Variants in HYDIN observed in about 807,000 individuals in gnomAD.
HYDIN encodes the protein axonemal central pair apparatus protein HYDIN.
A neutral mutation model predicts 403.9 loss-of-function variants in HYDIN; 132 were observed. The observed-to-expected ratio is 0.33, with a 90% CI of 0.28 to 0.38. HYDIN has a LOEUF of 0.38. Ranked by LOEUF, HYDIN falls within the 10% of genes least tolerant of loss-of-function variation. HYDIN has a pLI of 1.00. For missense variants in HYDIN, 2,827 were observed against 5,009.5 expected (o/e 0.56, Z 13.15); for synonymous variants, 1,202 against 1,891.7 (o/e 0.64, Z 9.46).
intron 1 of HYDIN, among the ~76,000 whole-genome samples, chr16:71,211,607 A>C (rs1050478738): frequency 7.9e-5 from 11 of 138,476 alleles, no homozygotes; most frequent in African/African-American, 2.8e-4. Context: ...GCGCCACTGC[A>C]CTCCAGCCTG....
chr16:70,992,145 G>A lies in HYDIN; in HGVS notation c.3710C>T (p.Thr1237Ile), dbSNP rs934444245. 3 of 1,612,212 alleles carry A rather than the reference G, an allele frequency of 1.9e-6. No individual in the cohort carries two copies. Among genetic ancestry groups the A allele is most frequent in the African/African-American group, 1.3e-5 (1 of 74,888 alleles). The change falls in exon 24 of 86, where the codon ACC becomes ATC. Residue 1237 changes from threonine to isoleucine, a missense_variant. By Grantham distance (89) the Thr-to-Ile change is moderately conservative. Transcript: ENST00000393567. Reference protein sequence around the residue: ...PVSQMESIPATSEAASPPAIL... With the variant: ...PVSQMESIPAISEAASPPAIL... ...TGCTGGTGGGCTGGCAGCCTCTGAG[G>A]TTGCTGGGATGGACTCCATCTGGGA... is the stretch of plus-strand genomic sequence containing the variant.
At chr16:71,198,347 T>C (rs750504290) in intron 1 of HYDIN, among the ~76,000 whole-genome samples, 1 of 152,212 alleles carries the variant, frequency 6.6e-6, no homozygotes, top group Admixed American at 6.5e-5. Flanking sequence ...TGTCTTTCCA[T>C]GCACAAAGGT....
At chr16:71,214,825 TA>T (rs145443901) in intron 1 of HYDIN, among the ~76,000 whole-genome samples, 26,200 of 152,216 alleles carry the variant, frequency 0.17, 2,917 homozygotes, top group Middle Eastern at 0.38. Flanking sequence ...AAACTGCTTT[TA>T]TTTCCTTCCC....
intron 1 of HYDIN, among the ~76,000 whole-genome samples, chr16:71,212,551 A>C (rs1451373406): frequency 6.6e-6 from 1 of 152,216 alleles, no homozygotes; most frequent in African/African-American, 2.4e-5. Flanking sequence ...AAGATAAAAT[A>C]ATGGAATTTA....
chr16:70,947,993 C>T (rs1157118016), intron 41 of HYDIN, among the ~76,000 whole-genome samples: 7 of 151,472 alleles, frequency 4.6e-5, no homozygotes, highest in East Asian at 1.9e-4. Context: ...GAGCCCGCAT[C>T]GCCAAGGCAA....
At chr16:71,193,218 A>G (rs2087523484) in intron 1 of HYDIN, among the ~76,000 whole-genome samples, 1 of 152,256 alleles carries the variant, frequency 6.6e-6, no homozygotes, top group Admixed American at 6.5e-5. Flanking sequence ...AAGGAATATT[A>G]AATTGCATTT....
intron 21 of HYDIN, among the ~76,000 whole-genome samples, chr16:71,021,979 T>C (rs1208260040): frequency 6.6e-5 from 10 of 151,834 alleles, no homozygotes; most frequent in Non-Finnish European, 1.3e-4. Flanking sequence ...CTTTAGGGAT[T>C]AGGTCTGGAG....
At chr16:71,201,061 C>T (rs893740421) in intron 1 of HYDIN, among the ~76,000 whole-genome samples, 3 of 152,208 alleles carry the variant, frequency 2.0e-5, no homozygotes, top group African/African-American at 7.2e-5. Context: ...AGCACTTAAT[C>T]TAGAAATCCT....
intron 10 of HYDIN, chr16:71,114,114 T>C (rs2083928790): frequency 6.6e-6 from 1 of 151,652 alleles, no homozygotes; most frequent in Non-Finnish European, 1.5e-5. Context: ...CTCCCAGGCT[T>C]CTTCACTGCA....
chr16:70,980,497 C>T (rs897048659), intron 29 of HYDIN, among the ~76,000 whole-genome samples: 7 of 148,036 alleles, frequency 4.7e-5, no homozygotes, highest in Admixed American at 1.3e-4. Context: ...CAGAGCGAGA[C>T]CTTTTTAAAA....
chr16:70,997,741 G>T (rs1011293736), intron 23 of HYDIN, among the ~76,000 whole-genome samples: 6 of 150,882 alleles, frequency 4.0e-5, no homozygotes, highest in Non-Finnish European at 7.4e-5. Flanking sequence ...TCTCACCACG[G>T]TCTCCAGCAC....
intron 6 of HYDIN, among the ~76,000 whole-genome samples, chr16:71,158,023 C>G (rs1304916330): frequency 1.3e-5 from 2 of 150,714 alleles, no homozygotes; most frequent in African/African-American, 2.4e-5. Context: ...CTTCTTCCTA[C>G]TCTCCAGTCT....
intron 23 of HYDIN, among the ~76,000 whole-genome samples, chr16:71,016,837 G>T (rs1222715569): frequency 6.6e-6 from 1 of 152,148 alleles, no homozygotes; most frequent in Non-Finnish European, 1.5e-5. Context: ...TGAACCTTGA[G>T]GACATTATGC....
chr16:71,223,827 T>C (rs925541550), intron 1 of HYDIN, among the ~76,000 whole-genome samples: 12 of 151,998 alleles, frequency 7.9e-5, no homozygotes, highest in Non-Finnish European at 1.2e-4. Context: ...CAAAAAACAA[T>C]AGATGTTGGT....
At chr16:70,900,802 T>C (rs2076349625) in intron 53 of HYDIN, among the ~76,000 whole-genome samples, 1 of 144,998 alleles carries the variant, frequency 6.9e-6, no homozygotes. Context: ...CACTGGGGAA[T>C]CAGCCATAAG....
chr16:71,009,414 G>A (rs1053881446), intron 23 of HYDIN, among the ~76,000 whole-genome samples: 2 of 150,650 alleles, frequency 1.3e-5, no homozygotes, highest in African/African-American at 4.9e-5. Flanking sequence ...TTTGAGTCAG[G>A]ATTACCGTTG....
At chr16:71,211,102 G>C (rs576684606) in intron 1 of HYDIN, among the ~76,000 whole-genome samples, 2 of 152,090 alleles carry the variant, frequency 1.3e-5, no homozygotes, top group Non-Finnish European at 2.9e-5. Flanking sequence ...CCTTAGACTG[G>C]GACCCAAAAT....
chr16:71,230,701 T>C lies in HYDIN; in HGVS notation c.-163A>G. 6.5e-7 allele frequency: 1 copy of C among 1,536,004 alleles called. No homozygotes were observed. Among genetic ancestry groups the C allele is most frequent in the South Asian group, 1.2e-5 (1 of 84,044 alleles). On this transcript the variant is annotated 5_prime_UTR_variant, in exon 1 of 86. Coordinates refer to ENST00000393567, the MANE Select transcript of HYDIN (RefSeq NM_001270974.2). ...CGCACTCTCCATGCGCCGCCCGAGC[T>C]GTTGCCGTCCGTTGCCACGGTAACC...
intron 1 of HYDIN, among the ~76,000 whole-genome samples, chr16:71,219,095 T>A (rs2089049613): frequency 6.6e-6 from 1 of 152,178 alleles, no homozygotes; most frequent in Admixed American, 6.5e-5. Context: ...AAGCCACTGC[T>A]GCAAATTTGG....
Sources: gnomAD v4.1 joint callset for allele counts (sites outside exome capture counted in the v4.1 genomes callset) on GRCh38, gnomAD v4.1.1 for gene constraint, MANE v1.5 for transcripts, NCBI Gene and HGNC (gene_info 2026-07-23, HGNC 2026-07-21) for gene names.